The following CCDC91 variants were observed in gnomAD, a reference collection of about 807,000 sequenced individuals.
The protein encoded by CCDC91 is coiled-coil domain containing 91.
A neutral mutation model predicts 63.2 loss-of-function variants in CCDC91; 48 were observed. That is an observed-to-expected ratio of 0.76 (90% CI 0.60 to 0.97). The LOEUF (loss-of-function observed/expected upper bound fraction) is 0.97. Ranked by LOEUF, CCDC91 falls within the 50% of genes least tolerant of loss-of-function variation. The probability of loss-of-function intolerance (pLI) is 0.00; values close to 1 mark genes in which losing one functional copy is unlikely to be tolerated. For missense variants in CCDC91, 500 were observed against 494.6 expected (o/e 1.01, Z -0.10); for synonymous variants, 167 against 165.8 (o/e 1.01, Z -0.06).
chr12:28,220,912 A>C (rs1212453896), intron 1 of CCDC91, among the ~76,000 whole-genome samples: 1 of 152,004 alleles, frequency 6.6e-6, no homozygotes, highest in Non-Finnish European at 1.5e-5. Context: ...GCGCATTAGT[A>C]TGATTTCTTT....
At chr12:28,320,698 TAAAATAA>T (rs1940404925) in intron 6 of CCDC91, among the ~76,000 whole-genome samples, 1 of 151,794 alleles carries the variant, frequency 6.6e-6, no homozygotes, top group Admixed American at 6.6e-5. Context: ...AGTTAACATA[TAAAATAA>T]AAGAGAAAAG....
intron 3 of CCDC91, among the ~76,000 whole-genome samples, chr12:28,299,640 T>C (rs1937821242): frequency 6.6e-6 from 1 of 151,680 alleles, no homozygotes; most frequent in Non-Finnish European, 1.5e-5. Context: ...CATTCATTTA[T>C]TATCTTTCGA....
intron 6 of CCDC91, among the ~76,000 whole-genome samples, chr12:28,309,053 CG>C (rs1565775193): frequency 1.3e-5 from 2 of 151,898 alleles, no homozygotes; most frequent in Non-Finnish European, 2.9e-5. Flanking sequence ...TGTGAGTATG[CG>C]TGGGGAAGGA....
intron 12 of CCDC91, among the ~76,000 whole-genome samples, chr12:28,543,670 C>T (rs1487588756): frequency 6.6e-6 from 1 of 151,950 alleles, no homozygotes; most frequent in Non-Finnish European, 1.5e-5. Flanking sequence ...ATGACGTCCA[C>T]GTTTTTATTT....
intron 6 of CCDC91, among the ~76,000 whole-genome samples, chr12:28,312,968 T>C (rs974366231): frequency 3.3e-5 from 5 of 152,076 alleles, no homozygotes; most frequent in Admixed American, 1.3e-4. Flanking sequence ...GGTATGTCTT[T>C]ATCAGCAGTG....
intron 12 of CCDC91, among the ~76,000 whole-genome samples, chr12:28,526,304 A>G (rs182429668): frequency 1.0e-3 from 159 of 152,146 alleles, no homozygotes; most frequent in Non-Finnish European, 1.9e-3. Context: ...GGTAGTGGCA[A>G]ATTTTCTCAG....
At position 28,286,157 on chromosome 12, in the gene CCDC91, GT is replaced by G. The variant is rs370480424; in HGVS notation, c.110-19482del. On this transcript the variant is annotated intron_variant, in intron 3 of 12. Coordinates refer to ENST00000536442, the MANE Select transcript of CCDC91 (RefSeq NM_018318.5). ...GGTATTTTAAACTTCCAATAAAGAAGTTTTTTTTTTCTTATCTAAGTTATAC... is the reference window on the plus strand; with the variant it reads ...GGTATTTTAAACTTCCAATAAAGAAGTTTTTTTTTCTTATCTAAGTTATAC... 3.0e-3 allele frequency among the ~76,000 whole-genome samples: 444 copies of G among 149,840 alleles called. 9 individuals are homozygous for G. In the East Asian group the frequency reaches 0.049, roughly 16 times the overall value.
At chr12:28,334,629 T>G (rs1203601187) in intron 6 of CCDC91, among the ~76,000 whole-genome samples, 2 of 152,166 alleles carry the variant, frequency 1.3e-5, no homozygotes, top group Non-Finnish European at 2.9e-5. Context: ...GAGCACAAAT[T>G]TTGGATACTT....
chr12:28,373,681 T>C (rs1944764121), intron 7 of CCDC91, among the ~76,000 whole-genome samples: 1 of 152,158 alleles, frequency 6.6e-6, no homozygotes, highest in Non-Finnish European at 1.5e-5. Flanking sequence ...AGAGACTGAA[T>C]GATTGCTTTG....
intron 6 of CCDC91, among the ~76,000 whole-genome samples, chr12:28,356,006 C>G (rs757404102): frequency 4.6e-5 from 7 of 152,084 alleles, no homozygotes; most frequent in Non-Finnish European, 1.0e-4. Context: ...TACTTTTAGA[C>G]TGATTCTTAT....
rs577466021 is a variant in CCDC91 at position 28,275,901 on chromosome 12, G to T, written c.109+16459G>T. Among the ~76,000 whole-genome samples, 15 of 152,096 alleles carry T rather than the reference G, an allele frequency of 9.9e-5. 1 individual carries two copies. In the South Asian group the frequency reaches 2.9e-3, roughly 29 times the overall value. On this transcript the variant is annotated intron_variant, in intron 3 of 12. Transcript: ENST00000536442. ...GATTATCTCAATAGATGCCCAAAAG[G>T]CCTTTGACAAAATTCAACAACCCTT...
At chr12:28,281,764 T>C (rs1243909721) in intron 3 of CCDC91, among the ~76,000 whole-genome samples, 1 of 152,188 alleles carries the variant, frequency 6.6e-6, no homozygotes, top group East Asian at 1.9e-4. Flanking sequence ...GGGAATGATT[T>C]TAACCCAGTC....
At chr12:28,445,912 G>C (rs1949474860) in intron 8 of CCDC91, among the ~76,000 whole-genome samples, 1 of 152,154 alleles carries the variant, frequency 6.6e-6, no homozygotes, top group Non-Finnish European at 1.5e-5. Context: ...TAGGGCTTTG[G>C]CATATAAATT....
intron 12 of CCDC91, among the ~76,000 whole-genome samples, chr12:28,512,255 A>G (rs1229797891): frequency 1.3e-5 from 2 of 151,822 alleles, no homozygotes. Context: ...CTCCATCAAT[A>G]TTACTTTTTC....
intron 3 of CCDC91, among the ~76,000 whole-genome samples, chr12:28,276,311 T>C (rs1238472372): frequency 6.6e-6 from 1 of 152,056 alleles, no homozygotes; most frequent in Non-Finnish European, 1.5e-5. Flanking sequence ...ATGATAGTAC[T>C]GTTGAATAAA....
intron 6 of CCDC91, among the ~76,000 whole-genome samples, chr12:28,352,886 A>G (rs1030503978): frequency 1.3e-5 from 2 of 152,202 alleles, no homozygotes; most frequent in African/African-American, 4.8e-5. Flanking sequence ...TTAGCCCCTA[A>G]CAAGAGTGTC....
At position 28,240,599 on chromosome 12, in the gene CCDC91, T is replaced by C. The variant is rs189068482; in HGVS notation, c.-14-16603T>C. 2.0e-3 allele frequency among the ~76,000 whole-genome samples: 301 copies of C among 152,246 alleles called. 1 individual carries two copies. The Middle Eastern group carries it at 0.058, about 29-fold the overall frequency. On this transcript the variant is annotated intron_variant, in intron 1 of 12. Coordinates refer to ENST00000536442, the MANE Select transcript of CCDC91 (RefSeq NM_018318.5). ...AGAGACACGTTTAAAGTTTTTTTTA[T>C]ATAAATGGAATCGTGCATTATGTGA...
chr12:28,538,680 A>G (rs1942386722), intron 12 of CCDC91, among the ~76,000 whole-genome samples: 1 of 152,198 alleles, frequency 6.6e-6, no homozygotes, highest in Admixed American at 6.5e-5. Context: ...AGGAATTGCC[A>G]CACTGACTTC....
At chr12:28,228,340 T>C (rs1008778462) in intron 1 of CCDC91, among the ~76,000 whole-genome samples, 2 of 152,148 alleles carry the variant, frequency 1.3e-5, no homozygotes, top group East Asian at 1.9e-4. Context: ...AGTTGTTGCA[T>C]AGATATATTG....
Sources: gnomAD v4.1 joint callset for allele counts (sites outside exome capture counted in the v4.1 genomes callset) on GRCh38, gnomAD v4.1.1 for gene constraint, MANE v1.5 for transcripts, NCBI Gene and HGNC (gene_info 2026-07-23, HGNC 2026-07-21) for gene names.